TEX9: variants seen among roughly 807,000 people sequenced by gnomAD.
TEX9 encodes the protein testis expressed 9, also known as testis-expressed protein 9.
Under a neutral mutation model 59.6 loss-of-function variants are expected in TEX9, and 74 were observed. That is an observed-to-expected ratio of 1.24 (90% CI 1.03 to 1.51). TEX9 has a LOEUF of 1.51. Ranked by LOEUF, TEX9 falls within the 40% of genes most tolerant of loss-of-function variation. The probability of loss-of-function intolerance (pLI) is 0.00; values close to 1 mark genes in which losing one functional copy is unlikely to be tolerated. For missense variants in TEX9, 522 were observed against 447.8 expected (o/e 1.17, Z -1.49); for synonymous variants, 186 against 152.2 (o/e 1.22, Z -1.64).
intron 1 of TEX9, among the ~76,000 whole-genome samples, chr15:56,269,940 GC>G (rs1487690661): frequency 6.6e-6 from 1 of 152,158 alleles, no homozygotes; most frequent in African/African-American, 2.4e-5. Context: ...ACAGGCGTGA[GC>G]CACCGCGCCC....
At chr15:56,361,385 A>C (rs563491700), upstream of TEX9, among the ~76,000 whole-genome samples, 23 of 152,296 alleles carry the variant, frequency 1.5e-4, no homozygotes, top group African/African-American at 5.5e-4. Flanking sequence ...ACAGGTTTTG[A>C]TAAGTTATAT....
intron 1 of TEX9, among the ~76,000 whole-genome samples, chr15:56,276,514 T>A (rs1196806991): frequency 6.6e-6 from 1 of 152,218 alleles, no homozygotes; most frequent in East Asian, 1.9e-4. Context: ...GAACCCATTC[T>A]TTTTTATGGT....
the TEX9 span, among the ~76,000 whole-genome samples, chr15:56,454,673 C>A: frequency 6.6e-6 from 1 of 152,106 alleles, no homozygotes; most frequent in Non-Finnish European, 1.5e-5. Flanking sequence ...AAATTCCAGG[C>A]CAGCATCTCC....
At chr15:56,398,347 T>G (rs2048582754) in intron 9 of TEX9, 1 of 152,240 alleles carries the variant, frequency 6.6e-6, no homozygotes, top group African/African-American at 2.4e-5. Flanking sequence ...TTGTTTTACC[T>G]TCTTGCAGTG....
rs149334778 is a variant in TEX9, at chr15:56,266,466, C to A, written c.-107+22188C>A. On this transcript the variant is annotated intron_variant, in intron 1 of 5. Coordinates refer to the TEX9 transcript ENST00000560827. ...CTTTAGGTATTTTTCCTAATGCTAT[C>A]CGTCCCCCATCCCCCCCACCCAATG... Among the ~76,000 whole-genome samples the A allele has an allele frequency of 9.0e-3, 1,361 of 151,590 alleles. 11 individuals are homozygous for A. The highest frequency in any genetic ancestry group is 0.037 in the Middle Eastern group (11 of 294).
intron 9 of TEX9, chr15:56,398,208 G>A (rs2142391888): frequency 6.6e-6 from 1 of 152,258 alleles, no homozygotes; most frequent in African/African-American, 2.4e-5. Flanking sequence ...AAGAATTCAT[G>A]TAAAACAGAA....
chr15:56,456,991 A>G, the TEX9 span, among the ~76,000 whole-genome samples: 3 of 152,298 alleles, frequency 2.0e-5, no homozygotes, highest in Admixed American at 6.5e-5. Context: ...GTCTAATACC[A>G]TGTTCATATT....
rs1460656890 is a variant in TEX9 at position 56,299,462 on chromosome 15, A to G, written c.-107+55184A>G. ...ACCTTGAAAAGCAGTCTAGGCCACA[A>G]GGACTAGAATTCCTGGTCAAATCCT... is the stretch of plus-strand genomic sequence containing the variant. On this transcript the variant is annotated intron_variant, in intron 1 of 5. Coordinates refer to the TEX9 transcript ENST00000560827. 3.3e-5 allele frequency among the ~76,000 whole-genome samples: 5 copies of G among 152,300 alleles called. No homozygotes were observed. In the South Asian group the frequency reaches 6.2e-4, roughly 19 times the overall value.
chr15:56,431,545 A>G (rs758105479), intron 12 of TEX9: 13 of 1,600,562 alleles, frequency 8.1e-6, no homozygotes, highest in Non-Finnish European at 1.1e-5. Context: ...CATTAATCTT[A>G]TACGAAGTTT....
intron 1 of TEX9, among the ~76,000 whole-genome samples, chr15:56,270,128 T>G (rs966883240): frequency 1.8e-4 from 27 of 152,174 alleles, no homozygotes; most frequent in African/African-American, 6.0e-4. Context: ...TTCTGTTGAT[T>G]TGAGGTGGAG....
chr15:56,329,487 A>G (rs2046096775), intron 1 of TEX9, among the ~76,000 whole-genome samples: 1 of 152,198 alleles, frequency 6.6e-6, no homozygotes, highest in South Asian at 2.1e-4. Context: ...GAGATACGTG[A>G]CCTTTCAGAC....
chr15:56,254,881 A>G (rs1333225619), intron 1 of TEX9, among the ~76,000 whole-genome samples: 2 of 151,786 alleles, frequency 1.3e-5, no homozygotes, highest in Non-Finnish European at 2.9e-5. Flanking sequence ...CCAGAAATTT[A>G]AAAACATGAT....
intron 1 of TEX9, among the ~76,000 whole-genome samples, chr15:56,292,473 T>C (rs1398983910): frequency 6.6e-6 from 1 of 152,136 alleles, no homozygotes; most frequent in African/African-American, 2.4e-5. Context: ...TTTAACACTA[T>C]ACAGGCAAAA....
intron 12 of TEX9, among the ~76,000 whole-genome samples, chr15:56,442,986 G>A (rs1248433475): frequency 6.6e-6 from 1 of 151,814 alleles, no homozygotes; most frequent in African/African-American, 2.4e-5. Flanking sequence ...TTTGCTTCAT[G>A]TATTGTGAAG....
At chr15:56,441,165 T>C (rs1207300205) in intron 12 of TEX9, among the ~76,000 whole-genome samples, 2 of 152,190 alleles carry the variant, frequency 1.3e-5, no homozygotes, top group Non-Finnish European at 2.9e-5. Context: ...TAGAAATATA[T>C]TGTTTAATTA....
intron 1 of TEX9, among the ~76,000 whole-genome samples, chr15:56,358,545 C>T (rs2046731390): frequency 1.3e-5 from 2 of 152,032 alleles, no homozygotes; most frequent in South Asian, 2.1e-4. Context: ...CCTATTATTA[C>T]GATCTTACAT....
chr15:56,302,178 G>A (rs1789164209), intron 1 of TEX9, among the ~76,000 whole-genome samples: 1 of 152,038 alleles, frequency 6.6e-6, no homozygotes, highest in African/African-American at 2.4e-5. Flanking sequence ...AAGCCGCATG[G>A]TAACTTCAAA....
rs539233887 is a variant in TEX9 at position 56,405,776 on chromosome 15, G to A, written c.829-6526G>A. Among the ~76,000 whole-genome samples the A allele has an allele frequency of 1.9e-4, 29 of 152,134 alleles. No homozygotes were observed. The East Asian group carries it at 2.1e-3, about 11-fold the overall frequency. On this transcript the variant is annotated intron_variant, in intron 9 of 12. Coordinates refer to ENST00000352903, the Ensembl canonical transcript of TEX9. ...GTTCACAGAAAATGCCAGAGCTTGA[G>A]TGTGATGGACTTGCTTTTATAAATC...
chr15:56,256,483 T>A (rs1486225380), intron 1 of TEX9, among the ~76,000 whole-genome samples: 9 of 151,828 alleles, frequency 5.9e-5, no homozygotes, highest in Non-Finnish European at 1.3e-4. Context: ...TGTATAAAGC[T>A]TAAAAAGCTA....
Sources: gnomAD v4.1 joint callset for allele counts (sites outside exome capture counted in the v4.1 genomes callset) on GRCh38, gnomAD v4.1.1 for gene constraint, MANE v1.5 for transcripts, NCBI Gene and HGNC (gene_info 2026-07-23, HGNC 2026-07-21) for gene names.